The following FRMD6 variants were observed in gnomAD, a reference collection of about 807,000 sequenced individuals.
FRMD6 encodes FERM domain containing 6, also known as FERM domain-containing protein 6.
FRMD6 carries 37 observed loss-of-function variants against 73.2 expected under a neutral mutation model. That is an observed-to-expected ratio of 0.51 (90% CI 0.39 to 0.66). FRMD6 has a LOEUF of 0.66. Among genes scored for constraint, FRMD6 ranks in the 30% least tolerant of loss-of-function variants. FRMD6 has a pLI of 0.00. For synonymous variants in FRMD6, 273 were observed against 282.2 expected, an observed-to-expected ratio of 0.97 and a Z score of 0.33; for missense variants, 714 against 780.5, an observed-to-expected ratio of 0.91 and a Z score of 1.02.
At chr14:51,636,412 T>A (rs1566517125) in intron 2 of FRMD6, among the ~76,000 whole-genome samples, 2 of 152,178 alleles carry the variant, frequency 1.3e-5, no homozygotes, top group Non-Finnish European at 1.5e-5. Flanking sequence ...GATCACTGCC[T>A]GACTGTTGGT....
chr14:51,492,788 G>A (rs1883093043), intron 1 of FRMD6, among the ~76,000 whole-genome samples: 1 of 152,194 alleles, frequency 6.6e-6, no homozygotes, highest in Admixed American at 6.5e-5. Flanking sequence ...ACCTGGCAAA[G>A]TAGAAAGACC....
chr14:51,415,842 G>A, the FRMD6 span, among the ~76,000 whole-genome samples: 1 of 152,168 alleles, frequency 6.6e-6, no homozygotes, highest in Admixed American at 6.5e-5. Context: ...CCTGTTATTG[G>A]TCTATTCAGA....
chr14:51,627,203 G>A (rs1891150418), intron 2 of FRMD6, among the ~76,000 whole-genome samples: 1 of 152,142 alleles, frequency 6.6e-6, no homozygotes, highest in African/African-American at 2.4e-5. Context: ...TTGAAAGGGA[G>A]CATGATTAAA....
At chr14:51,569,607 G>A (rs769838800) in intron 1 of FRMD6, among the ~76,000 whole-genome samples, 1 of 147,062 alleles carries the variant, frequency 6.8e-6, no homozygotes, top group Non-Finnish European at 1.5e-5. Flanking sequence ...GAGCTCAGGT[G>A]ATCCTTCCAC....
intron 2 of FRMD6, among the ~76,000 whole-genome samples, chr14:51,614,140 G>C (rs939060473): frequency 6.6e-6 from 1 of 152,118 alleles, no homozygotes; most frequent in Non-Finnish European, 1.5e-5. Context: ...GAATTCTGGG[G>C]ATTCTCATAG....
intron 1 of FRMD6, among the ~76,000 whole-genome samples, chr14:51,673,895 T>C (rs1894193992): frequency 6.6e-6 from 1 of 152,224 alleles, no homozygotes; most frequent in East Asian, 1.9e-4. Flanking sequence ...ATTTCTTTTT[T>C]ATTATCAGAA....
At chr14:51,503,449 A>G (rs1177842507) in intron 1 of FRMD6, among the ~76,000 whole-genome samples, 3 of 152,106 alleles carry the variant, frequency 2.0e-5, no homozygotes, top group African/African-American at 7.2e-5. Flanking sequence ...TTAGGTGCCT[A>G]TTCTAAATAG....
At chr14:51,651,131 A>C (rs148132586), upstream of FRMD6, 212 of 152,786 alleles carry the variant, frequency 1.4e-3, no homozygotes, top group African/African-American at 4.8e-3. Flanking sequence ...CCATCCCCCA[A>C]AGCCACTATC....
intron 1 of FRMD6, among the ~76,000 whole-genome samples, chr14:51,490,432 A>T (rs1596485922): frequency 6.6e-6 from 1 of 152,086 alleles, no homozygotes; most frequent in East Asian, 1.9e-4. Context: ...AGAGAGGAGA[A>T]ACTCTCATAT....
chr14:51,551,460 C>T (rs1055409506), intron 1 of FRMD6, among the ~76,000 whole-genome samples: 3 of 152,182 alleles, frequency 2.0e-5, no homozygotes, highest in African/African-American at 7.2e-5. Context: ...TATGACCCAG[C>T]ACAGTGGCTC....
At chr14:51,536,847 A>G (rs17124125) in intron 1 of FRMD6, among the ~76,000 whole-genome samples, 2,071 of 152,296 alleles carry the variant, frequency 0.014, 49 homozygotes, top group African/African-American at 0.047. Context: ...AGTTTGTTTA[A>G]TATGTTTGGG....
chr14:51,690,839 T>C (rs1377563384), intron 2 of FRMD6, among the ~76,000 whole-genome samples: 2 of 151,090 alleles, frequency 1.3e-5, no homozygotes, highest in African/African-American at 4.9e-5. Context: ...ACCTGAACAT[T>C]GAGGAATGTG....
rs148062295 is a variant in FRMD6 at position 51,628,686 on chromosome 14, C to T, written c.-147+58276C>T. Reference sequence around the variant, plus strand: ...AAATTAGCTGGGCATGGTGGCATGCCCATGCTCGGGTGGCTGAGGCAGCAG... The same window carrying T: ...AAATTAGCTGGGCATGGTGGCATGCTCATGCTCGGGTGGCTGAGGCAGCAG... On this transcript the variant is annotated intron_variant, in intron 2 of 14. Transcript: ENST00000356218. Among the ~76,000 whole-genome samples the T allele has an allele frequency of 9.9e-3, 1,482 of 149,606 alleles. 73 individuals are homozygous for T. The highest frequency in any genetic ancestry group is 0.083 in the Admixed American group (1,234 of 14,922).
the FRMD6 span, among the ~76,000 whole-genome samples, chr14:51,419,471 C>T: frequency 6.6e-6 from 1 of 152,146 alleles, no homozygotes; most frequent in South Asian, 2.1e-4. Flanking sequence ...TTAACAGAAA[C>T]ACCTTAAAAG....
the FRMD6 span, among the ~76,000 whole-genome samples, chr14:51,476,904 G>A: frequency 1.2e-4 from 18 of 152,198 alleles, no homozygotes; most frequent in Non-Finnish European, 2.5e-4. Context: ...CTACTGAAGA[G>A]AGTAACTATA....
chr14:51,711,680 T>C, intron 8 of FRMD6, 84 bp downstream of exon 8: 1 of 981,678 alleles, frequency 1.0e-6, no homozygotes, highest in Non-Finnish European at 1.6e-6. Flanking sequence ...ACAGGTTCAG[T>C]AGTTCATTTT....
the FRMD6 span, among the ~76,000 whole-genome samples, chr14:51,440,531 A>T: frequency 6.6e-6 from 1 of 152,210 alleles, no homozygotes; most frequent in African/African-American, 2.4e-5. Flanking sequence ...GCACACGTTT[A>T]GCACATTTCT....
At chr14:51,583,058 A>T (rs1225425428) in intron 2 of FRMD6, among the ~76,000 whole-genome samples, 1 of 152,152 alleles carries the variant, frequency 6.6e-6, no homozygotes, top group African/African-American at 2.4e-5. Flanking sequence ...TCATTTTATT[A>T]TGTATTGAAT....
At chr14:51,437,551 C>A in the FRMD6 span, among the ~76,000 whole-genome samples, 2 of 152,228 alleles carry the variant, frequency 1.3e-5, no homozygotes, top group African/African-American at 4.8e-5. Flanking sequence ...ATCCGCCCGC[C>A]TCGGCCTCTC....
Sources: allele counts gnomAD v4.1 joint callset (sites outside exome capture counted in the v4.1 genomes callset), GRCh38; gene constraint gnomAD v4.1.1; transcripts MANE v1.5; gene names NCBI Gene and HGNC (gene_info 2026-07-23, HGNC 2026-07-21).